TEX15: variants seen among roughly 807,000 people sequenced by gnomAD.
TEX15 encodes testis expressed 15, meiosis and synapsis associated, also known as testis-expressed protein 15.
A neutral mutation model predicts 237.3 loss-of-function variants in TEX15; 171 were observed. That is an observed-to-expected ratio of 0.72 (90% CI 0.64 to 0.82). The LOEUF is 0.82. Ranked by LOEUF, TEX15 falls within the 40% of genes least tolerant of loss-of-function variation. The pLI, the probability that TEX15 is intolerant of heterozygous loss-of-function variation, is 0.00. For missense variants in TEX15, 3,750 were observed against 3,646.5 expected, an observed-to-expected ratio of 1.03 and a Z score of -0.73; for synonymous variants, 1,338 against 1,269.8, an observed-to-expected ratio of 1.05 and a Z score of -1.14.
chr8:30,848,695 G>T lies in TEX15; in HGVS notation c.1472C>A (p.Thr491Asn). 6.2e-7 allele frequency: 1 copy of T among 1,614,200 alleles called. No individual in the cohort carries two copies. Among genetic ancestry groups the T allele is most frequent in the Non-Finnish European group, 8.5e-7 (1 of 1,180,016 alleles). The change falls in exon 8 of 11, where the codon ACT becomes AAT. Residue 491 changes from threonine to asparagine, a missense_variant. Thr to Asn is a moderately conservative substitution (Grantham distance 65). Transcript: ENST00000643185. ...EVVPGDCAVL[T>N]NGLDTPCFKT... ...AAAGCAAGGGGTATCCAAACCATTA[G>T]TAAGAACAGCACAATCACCAGGGAC... is the stretch of plus-strand genomic sequence containing the variant.
intron 3 of TEX15, among the ~76,000 whole-genome samples, chr8:30,883,745 T>C (rs536651365): frequency 2.0e-5 from 3 of 152,308 alleles, no homozygotes; most frequent in Middle Eastern, 3.4e-3. Flanking sequence ...ATCCAGTCTA[T>C]ATCACTGATG....
intron 3 of TEX15, among the ~76,000 whole-genome samples, chr8:30,878,219 C>A (rs1808441289): frequency 6.7e-6 from 1 of 149,008 alleles, no homozygotes; most frequent in African/African-American, 2.5e-5. Context: ...GTTTGTTTAA[C>A]CATTTACTCA....
intron 1 of TEX15, among the ~76,000 whole-genome samples, chr8:30,903,491 C>A (rs1440273153): frequency 3.9e-5 from 6 of 152,212 alleles, no homozygotes; most frequent in African/African-American, 1.4e-4. Flanking sequence ...AGGTGAGAAA[C>A]AGCTCAACTT....
intron 7 of TEX15, among the ~76,000 whole-genome samples, chr8:30,852,363 G>A (rs1383925784): frequency 6.6e-6 from 1 of 151,852 alleles, no homozygotes; most frequent in Admixed American, 6.6e-5. Flanking sequence ...AAAGTGCTAG[G>A]ATTACAAGTG....
At chr8:30,878,303 T>G (rs1808443124) in intron 3 of TEX15, among the ~76,000 whole-genome samples, 1 of 152,178 alleles carries the variant, frequency 6.6e-6, no homozygotes, top group Admixed American at 6.5e-5. Flanking sequence ...TATAGGTTTT[T>G]GTGTGAACAT....
chr8:30,864,503 A>G (rs563038312), intron 5 of TEX15, among the ~76,000 whole-genome samples: 38 of 151,340 alleles, frequency 2.5e-4, no homozygotes, highest in African/African-American at 8.7e-4. Flanking sequence ...GTTTGAAGCT[A>G]TGTCCTCAGG....
At chr8:30,903,879 T>C (rs1809048806) in intron 1 of TEX15, among the ~76,000 whole-genome samples, 1 of 152,214 alleles carries the variant, frequency 6.6e-6, no homozygotes, top group Admixed American at 6.5e-5. Flanking sequence ...ATATGGAAGA[T>C]GACTGTGCTA....
At chr8:30,882,339 T>C (rs182538069) in intron 3 of TEX15, among the ~76,000 whole-genome samples, 21 of 152,324 alleles carry the variant, frequency 1.4e-4, no homozygotes, top group African/African-American at 4.8e-4. Flanking sequence ...CAGGCTGGAG[T>C]GTAGTGGCGC....
rs140965662 is a variant in TEX15 at position 30,844,226 on chromosome 8, C to T, written c.5941G>A (p.Val1981Met). Reference protein sequence around the residue: ...PTLLKKPASYVSDFKEKHCSA... With the variant: ...PTLLKKPASYMSDFKEKHCSA... ...CAATGTTTTTCTTTAAAATCACTCA[C>T]GTATGACGCAGGTTTCTTCAGAAGA... Residue 1981 changes from valine to methionine, a missense_variant, in exon 8 of 11, where the codon GTG (valine) becomes ATG (methionine). Physicochemically the swap from Val to Met is conservative, Grantham distance 21. Coordinates refer to ENST00000643185, the MANE Select transcript of TEX15 (RefSeq NM_001350162.2). The T allele has an allele frequency of 4.5e-5, 73 of 1,611,762 alleles. No homozygotes were observed. The African/African-American group carries it at 7.4e-4, about 16-fold the overall frequency.
intron 1 of TEX15, among the ~76,000 whole-genome samples, chr8:30,906,001 G>A (rs1335499598): frequency 6.6e-6 from 1 of 151,932 alleles, no homozygotes; most frequent in Non-Finnish European, 1.5e-5. Flanking sequence ...TTGTGCCTCA[G>A]TTTCTTCATA....
chr8:30,850,359 A>G (rs1369110585), intron 7 of TEX15, among the ~76,000 whole-genome samples: 2 of 152,228 alleles, frequency 1.3e-5, no homozygotes, highest in Non-Finnish European at 2.9e-5. Flanking sequence ...ATAATTTCTC[A>G]TAAATGTTCA....
In TEX15 at chr8:30,837,544, T is replaced by C; in HGVS notation, c.8740A>G (p.Thr2914Ala). ...TCATTATCTTGAAGTTCAAAGACTG[T>C]GTCATTCATTTCTAGATCAGGATGG... Reference protein sequence around the residue: ...DVHPDLEMNDTVFELQDNDIV... With the variant: ...DVHPDLEMNDAVFELQDNDIV... The change falls in exon 10 of 11, where the codon ACA becomes GCA. Residue 2914 changes from threonine (T) to alanine (A), a missense_variant. Coordinates refer to ENST00000643185, the MANE Select transcript of TEX15 (RefSeq NM_001350162.2). 6.2e-7 allele frequency: 1 copy of C among 1,613,958 alleles called. No homozygotes were observed. Among genetic ancestry groups the C allele is most frequent in the Non-Finnish European group, 8.5e-7 (1 of 1,179,908 alleles).
chr8:30,901,547 C>T (rs1216403516), intron 1 of TEX15, among the ~76,000 whole-genome samples: 1 of 152,146 alleles, frequency 6.6e-6, no homozygotes. Context: ...AAGAAATGCC[C>T]ATTTCCCATT....
chr8:30,885,162 C>T (rs1277310515), intron 3 of TEX15, among the ~76,000 whole-genome samples: 2 of 151,762 alleles, frequency 1.3e-5, no homozygotes, highest in African/African-American at 4.8e-5. Context: ...AGTGTGGGCC[C>T]CCTACTTGAT....
At chr8:30,862,707 ATACC>A in intron 5 of TEX15, among the ~76,000 whole-genome samples, 1 of 152,186 alleles carries the variant, frequency 6.6e-6, no homozygotes, top group Admixed American at 6.5e-5. Flanking sequence ...GCAAATCAGG[ATACC>A]TACTGTGATT....
rs1329694165 is a variant in TEX15, at chr8:30,888,676, A to G, written c.-9-1365T>C. ...TTGATGGCCCTCCTGACACCTATCA[A>G]CTGCTTAGTTCCAACATTAGATCAC... is the stretch of plus-strand genomic sequence containing the variant. On this transcript the variant is annotated intron_variant, in intron 2 of 10. Coordinates refer to ENST00000643185, the MANE Select transcript of TEX15 (RefSeq NM_001350162.2). The G allele has an allele frequency of 4.7e-6, 6 of 1,287,570 alleles. No individual in the cohort carries two copies. The East Asian group carries it at 3.3e-4, about 71-fold the overall frequency. The allele number at this position is 1,287,570 out of a possible 1,614,324, so 79.8% of individuals were successfully genotyped here. A position where few individuals can be genotyped will look rare whatever the true frequency, so the allele number is the denominator to read the frequency against.
chr8:30,879,300 C>G (rs1808470721), intron 3 of TEX15, among the ~76,000 whole-genome samples: 1 of 152,110 alleles, frequency 6.6e-6, no homozygotes, highest in African/African-American at 2.4e-5. Context: ...AAGTGAATTT[C>G]TTCTTTCTTT....
At chr8:30,906,942 T>G (rs957029784) in intron 1 of TEX15, among the ~76,000 whole-genome samples, 1 of 152,170 alleles carries the variant, frequency 6.6e-6, no homozygotes, top group Non-Finnish European at 1.5e-5. Flanking sequence ...AAACAATTTT[T>G]TTTTCTTTTG....
rs755631226 is a variant in TEX15, at chr8:30,837,125, A to G, written c.9159T>C (p.Asn3053=). Residue 3053 remains asparagine, a synonymous_variant, in exon 10 of 11, where the codon AAT becomes AAC. Transcript: ENST00000643185. ...GGTATGTCTGGGTAATGGCATTGCCATTGCTGTTGCTGTACTGATAAACAC... is the reference window on the plus strand; with the variant it reads ...GGTATGTCTGGGTAATGGCATTGCCGTTGCTGTTGCTGTACTGATAAACAC... ...AWCVYQYSNS[N]GNAITQTYQG... 3.1e-6 allele frequency: 5 copies of G among 1,614,118 alleles called. No individual in the cohort carries two copies. Among genetic ancestry groups the G allele is most frequent in the East Asian group, 4.5e-5 (2 of 44,882 alleles).
Sources: allele counts gnomAD v4.1 joint callset (sites outside exome capture counted in the v4.1 genomes callset), GRCh38; gene constraint gnomAD v4.1.1; transcripts MANE v1.5; gene names NCBI Gene and HGNC (gene_info 2026-07-23, HGNC 2026-07-21).